Variants in TMEM178A observed in about 807,000 individuals in gnomAD.
TMEM178A encodes transmembrane protein 178.
Under a neutral mutation model 29.1 loss-of-function variants are expected in TMEM178A, and 12 were observed. The ratio of observed to expected loss-of-function variants is 0.41; its 90% CI spans 0.26 to 0.67. TMEM178A has a LOEUF of 0.67. Among genes scored for constraint, TMEM178A ranks in the 30% least tolerant of loss-of-function variants. TMEM178A has a pLI of 0.29. For missense variants in TMEM178A, 366 were observed against 419.1 expected (o/e 0.87, Z 1.11); for synonymous variants, 210 against 187.2 (o/e 1.12, Z -0.99).
At chr2:39,683,144 T>C (rs1211244324) in intron 1 of TMEM178A, among the ~76,000 whole-genome samples, 1 of 152,244 alleles carries the variant, frequency 6.6e-6, no homozygotes, top group Non-Finnish European at 1.5e-5. Flanking sequence ...CAAATGCCAC[T>C]TTATTAGCTT....
intron 1 of TMEM178A, among the ~76,000 whole-genome samples, chr2:39,689,062 A>G (rs986196266): frequency 1.3e-5 from 2 of 152,218 alleles, no homozygotes; most frequent in Non-Finnish European, 2.9e-5. Context: ...CACCATATAC[A>G]GTAGTAATTA....
chr2:39,692,411 G>C (rs571845984), intron 1 of TMEM178A, among the ~76,000 whole-genome samples: 6 of 152,102 alleles, frequency 3.9e-5, no homozygotes, highest in African/African-American at 1.4e-4. Flanking sequence ...AGTATATACA[G>C]GTATTAAATC....
intron 2 of TMEM178A, among the ~76,000 whole-genome samples, chr2:39,705,314 A>G (rs1274699147): frequency 1.3e-5 from 2 of 152,248 alleles, no homozygotes; most frequent in East Asian, 3.8e-4. Flanking sequence ...CACATTTACT[A>G]TATAAGCTTA....
intron 1 of TMEM178A, among the ~76,000 whole-genome samples, chr2:39,667,613 A>T (rs1341014681): frequency 1.3e-5 from 2 of 152,234 alleles, no homozygotes; most frequent in African/African-American, 2.4e-5. Flanking sequence ...GAGGGGGTTA[A>T]TAATGTGTTG....
At chr2:39,665,720 A>C, upstream of TMEM178A, 1 of 299,136 alleles carries the variant, frequency 3.3e-6, no homozygotes, top group Non-Finnish European at 5.8e-6. Context: ...GGAGGGGGGC[A>C]AGAAAGCGAG....
intron 3 of TMEM178A, among the ~76,000 whole-genome samples, chr2:39,712,644 G>A (rs1672359726): frequency 1.3e-5 from 2 of 151,880 alleles, no homozygotes; most frequent in South Asian, 2.1e-4. Flanking sequence ...AGTAAGGACC[G>A]AGCTCAGGAC....
intron 3 of TMEM178A, among the ~76,000 whole-genome samples, chr2:39,708,214 G>A (rs1672123885): frequency 6.6e-6 from 1 of 151,998 alleles, no homozygotes; most frequent in South Asian, 2.1e-4. Flanking sequence ...GCAGACTGGG[G>A]AAACCGCCAG....
the TMEM178A span, among the ~76,000 whole-genome samples, chr2:39,725,317 A>G: frequency 6.6e-6 from 1 of 152,226 alleles, no homozygotes; most frequent in Non-Finnish European, 1.5e-5. Flanking sequence ...ATTATTCTTT[A>G]AAGCAATTAG....
At chr2:39,714,573 G>A (rs1357830990) in intron 3 of TMEM178A, among the ~76,000 whole-genome samples, 1 of 152,138 alleles carries the variant, frequency 6.6e-6, no homozygotes, top group African/African-American at 2.4e-5. Context: ...GAAAAATTCT[G>A]TTAATGACAT....
intron 1 of TMEM178A, among the ~76,000 whole-genome samples, chr2:39,693,149 A>C (rs958027915): frequency 7.2e-5 from 11 of 152,134 alleles, no homozygotes; most frequent in African/African-American, 2.7e-4. Context: ...GAAAACAAAA[A>C]ACAACAACAA....
At position 39,670,372 on chromosome 2, in the gene TMEM178A, G is replaced by A. The variant is rs114735529; in HGVS notation, c.400+3998G>A. ...ATTGTACCAGGTGTAGAAGATACAGGAGTGAATAAAATAGATAAAAATCCC... is the reference window on the plus strand; with the variant it reads ...ATTGTACCAGGTGTAGAAGATACAGAAGTGAATAAAATAGATAAAAATCCC... On this transcript the variant is annotated intron_variant, in intron 1 of 3. Coordinates refer to ENST00000281961, the MANE Select transcript of TMEM178A (RefSeq NM_152390.3). 8.6e-3 allele frequency among the ~76,000 whole-genome samples: 1,316 copies of A among 152,316 alleles called. 19 individuals carry two copies. The highest frequency in any genetic ancestry group is 0.029 in the African/African-American group (1,214 of 41,564).
At chr2:39,729,644 G>A in the TMEM178A span, among the ~76,000 whole-genome samples, 1 of 152,140 alleles carries the variant, frequency 6.6e-6, no homozygotes, top group Non-Finnish European at 1.5e-5. Flanking sequence ...ACACATCCAT[G>A]TCAAGAACAT....
rs762815150 is a variant in TMEM178A at position 39,665,931 on chromosome 2, G to C, written c.-44G>C. 96 of 1,344,766 alleles carry C rather than the reference G, an allele frequency of 7.1e-5. No homozygotes were observed. Among genetic ancestry groups the C allele is most frequent in the Non-Finnish European group, 7.5e-5 (79 of 1,052,640 alleles). The allele number at this position is 1,344,766 out of a possible 1,614,324, so 83.3% of individuals were successfully genotyped here. A position where few individuals can be genotyped will look rare whatever the true frequency, so the allele number is the denominator to read the frequency against. On this transcript the variant is annotated 5_prime_UTR_variant, in exon 1 of 4. Coordinates refer to ENST00000281961, the MANE Select transcript of TMEM178A (RefSeq NM_152390.3). ...TGGGGCCAAGTGCATTGTGTCTGGC[G>C]GCGGCGCGCGAGCCCACCGGCGGCT...
At chr2:39,678,252 C>G (rs1373279217) in intron 1 of TMEM178A, among the ~76,000 whole-genome samples, 1 of 152,090 alleles carries the variant, frequency 6.6e-6, no homozygotes, top group Non-Finnish European at 1.5e-5. Flanking sequence ...AAGTTGAAAA[C>G]AGATACTCAG....
At chr2:39,686,462 C>A (rs1292567830) in intron 1 of TMEM178A, among the ~76,000 whole-genome samples, 1 of 151,990 alleles carries the variant, frequency 6.6e-6, no homozygotes, top group Non-Finnish European at 1.5e-5. Context: ...TGGAACAGCC[C>A]CATTTCTTAT....
At chr2:39,735,070 CAT>C in the TMEM178A span, among the ~76,000 whole-genome samples, 4 of 152,192 alleles carry the variant, frequency 2.6e-5, no homozygotes, top group Admixed American at 1.3e-4. Context: ...TATCCTAAAA[CAT>C]ATGTTAGGTG....
chr2:39,732,327 G>A, the TMEM178A span, among the ~76,000 whole-genome samples: 2 of 152,130 alleles, frequency 1.3e-5, no homozygotes, highest in African/African-American at 4.8e-5. Flanking sequence ...TGAGACCATG[G>A]CTATGAGGGA....
chr2:39,698,195 C>T (rs1671632628), intron 1 of TMEM178A, among the ~76,000 whole-genome samples: 1 of 152,186 alleles, frequency 6.6e-6, no homozygotes, highest in African/African-American at 2.4e-5. Flanking sequence ...GCTAACATTT[C>T]TGAGTAATAG....
intron 1 of TMEM178A, among the ~76,000 whole-genome samples, chr2:39,697,272 T>C: frequency 6.6e-6 from 1 of 152,262 alleles, no homozygotes; most frequent in East Asian, 1.9e-4. Flanking sequence ...TTTCATTTTG[T>C]CAATTTAATG....
Sources: gnomAD v4.1 joint callset for allele counts (sites outside exome capture counted in the v4.1 genomes callset) on GRCh38, gnomAD v4.1.1 for gene constraint, MANE v1.5 for transcripts, NCBI Gene and HGNC (gene_info 2026-07-23, HGNC 2026-07-21) for gene names.